The following RIMS2 variants were observed in gnomAD, a reference collection of about 807,000 sequenced individuals.
RIMS2 encodes regulating synaptic membrane exocytosis protein 2.
RIMS2 carries 59 observed loss-of-function variants against 174.4 expected under a neutral mutation model. The observed-to-expected ratio is 0.34, with a 90% CI of 0.27 to 0.42. The LOEUF is 0.42. Ranked by LOEUF, RIMS2 falls within the 10% of genes least tolerant of loss-of-function variation. The pLI is 1.00. For missense variants in RIMS2, 1,620 were observed against 1,666.3 expected, an observed-to-expected ratio of 0.97 and a Z score of 0.48; for synonymous variants, 606 against 572.5, an observed-to-expected ratio of 1.06 and a Z score of -0.84.
At chr8:103,773,040 A>G (rs536959227) in intron 3 of RIMS2, among the ~76,000 whole-genome samples, 1 of 152,302 alleles carries the variant, frequency 6.6e-6, no homozygotes, top group Admixed American at 6.5e-5. Context: ...TTAGGCTAAA[A>G]CTGTAAAGCT....
chr8:104,101,097 A>T (rs2097887753), intron 19 of RIMS2, among the ~76,000 whole-genome samples: 1 of 129,300 alleles, frequency 7.7e-6, no homozygotes, highest in African/African-American at 2.9e-5. Flanking sequence ...GTAATATATA[A>T]TATTGCATAT....
intron 19 of RIMS2, among the ~76,000 whole-genome samples, chr8:104,221,294 C>T (rs1402804845): frequency 6.6e-6 from 1 of 152,042 alleles, no homozygotes; most frequent in Non-Finnish European, 1.5e-5. Context: ...AACAATAGTG[C>T]AATTGATGCA....
At chr8:103,632,202 C>G (rs1177435767) in intron 1 of RIMS2, among the ~76,000 whole-genome samples, 1 of 152,138 alleles carries the variant, frequency 6.6e-6, no homozygotes, top group Non-Finnish European at 1.5e-5. Context: ...TGTCTTGTGT[C>G]AGTTTTCAAG....
At chr8:104,073,660 A>T (rs1201753653) in intron 19 of RIMS2, among the ~76,000 whole-genome samples, 1 of 152,328 alleles carries the variant, frequency 6.6e-6, no homozygotes, top group East Asian at 1.9e-4. Context: ...TTTAACCCAT[A>T]ATATAATAGA....
chr8:103,691,309 T>A (rs1313021877), intron 1 of RIMS2, among the ~76,000 whole-genome samples: 1 of 152,224 alleles, frequency 6.6e-6, no homozygotes, highest in African/African-American at 2.4e-5. Context: ...TTAAGGCCAA[T>A]AACTCTTAGA....
chr8:103,687,443 A>C (rs1210470364), intron 1 of RIMS2, among the ~76,000 whole-genome samples: 1 of 152,072 alleles, frequency 6.6e-6, no homozygotes, highest in Non-Finnish European at 1.5e-5. Context: ...CTTACACAAC[A>C]TGATGTTTTG....
At chr8:103,598,468 A>T (rs2094560417) in intron 1 of RIMS2, among the ~76,000 whole-genome samples, 1 of 152,186 alleles carries the variant, frequency 6.6e-6, no homozygotes, top group African/African-American at 2.4e-5. Flanking sequence ...AATGGAATTC[A>T]TTGAGGTAAT....
At chr8:103,527,120 G>GA (rs1384822132) in intron 1 of RIMS2, among the ~76,000 whole-genome samples, 3 of 152,118 alleles carry the variant, frequency 2.0e-5, no homozygotes, top group Non-Finnish European at 4.4e-5. Flanking sequence ...AAGTGCTGAA[G>GA]AAAAAACCGC....
chr8:103,986,582 A>G (rs1217242297), intron 16 of RIMS2, among the ~76,000 whole-genome samples: 1 of 152,204 alleles, frequency 6.6e-6, no homozygotes, highest in Admixed American at 6.5e-5. Flanking sequence ...TTGTTAATCT[A>G]GGTGAAATGG....
intron 19 of RIMS2, among the ~76,000 whole-genome samples, chr8:104,107,993 T>C (rs1186795188): frequency 2.9e-5 from 4 of 136,504 alleles, no homozygotes; most frequent in Non-Finnish European, 4.7e-5. Context: ...GGAAATAAAC[T>C]ACTATTTCAG....
chr8:103,753,329 C>T (rs1021685011), intron 2 of RIMS2, among the ~76,000 whole-genome samples: 130 of 152,264 alleles, frequency 8.5e-4, no homozygotes, highest in African/African-American at 3.0e-3. Flanking sequence ...ATGCTGGATT[C>T]AGTTTGCCAG....
chr8:104,029,091 C>A (rs1488505076), intron 19 of RIMS2, among the ~76,000 whole-genome samples: 2 of 152,164 alleles, frequency 1.3e-5, no homozygotes, highest in Non-Finnish European at 2.9e-5. Context: ...CCTGACATTG[C>A]CATGCCATTT....
chr8:104,014,613 G>A, exon 19 of RIMS2: 1 of 1,595,272 alleles, frequency 6.3e-7, no homozygotes, highest in Non-Finnish European at 8.6e-7. Context: ...ACGTTGGATA[G>A]AAGTAAGTTT....
intron 17 of RIMS2, among the ~76,000 whole-genome samples, chr8:103,996,054 G>A (rs1565747761): frequency 6.6e-6 from 1 of 151,946 alleles, no homozygotes; most frequent in Non-Finnish European, 1.5e-5. Context: ...AATAGCTGAA[G>A]TATTATATTA....
chr8:103,927,479 G>A (rs2078998085), intron 10 of RIMS2, among the ~76,000 whole-genome samples: 1 of 151,288 alleles, frequency 6.6e-6, no homozygotes, highest in African/African-American at 2.4e-5. Flanking sequence ...TTTATGTAGT[G>A]TGTTTAAGGA....
intron 3 of RIMS2, among the ~76,000 whole-genome samples, chr8:103,790,066 T>G (rs1003026250): frequency 1.3e-5 from 2 of 152,180 alleles, no homozygotes; most frequent in African/African-American, 4.8e-5. Context: ...CCAGCATGTG[T>G]TTTTCTTTTA....
At chr8:103,629,776 T>G (rs1243125150) in intron 1 of RIMS2, among the ~76,000 whole-genome samples, 1 of 150,906 alleles carries the variant, frequency 6.6e-6, no homozygotes, top group African/African-American at 2.4e-5. Flanking sequence ...CCACACTAGA[T>G]GAGCTCAATA....
At chr8:104,093,284 A>G (rs1047436180) in intron 19 of RIMS2, among the ~76,000 whole-genome samples, 187 bp from the exon 24 acceptor site, 2 of 152,064 alleles carry the variant, frequency 1.3e-5, no homozygotes, top group African/African-American at 2.4e-5. Context: ...TGCTAAAAAC[A>G]AAGGTTTCAT....
At chr8:104,033,245 C>T (rs894202113) in intron 19 of RIMS2, among the ~76,000 whole-genome samples, 1 of 151,692 alleles carries the variant, frequency 6.6e-6, no homozygotes, top group Non-Finnish European at 1.5e-5. Context: ...TAGTGATTAG[C>T]TTAATATATT....
Sources: gnomAD v4.1 joint callset for allele counts (sites outside exome capture counted in the v4.1 genomes callset) on GRCh38, gnomAD v4.1.1 for gene constraint, MANE v1.5 for transcripts, NCBI Gene and HGNC (gene_info 2026-07-23, HGNC 2026-07-21) for gene names.